Variants in RRP8 observed in about 807,000 individuals in gnomAD.
RRP8 encodes ribosomal RNA processing 8, also known as ribosomal RNA-processing protein 8.
Under a neutral mutation model 45.0 loss-of-function variants are expected in RRP8, and 48 were observed. That is an observed-to-expected ratio of 1.07 (90% CI 0.85 to 1.36). RRP8 has a LOEUF of 1.36. RRP8 is among the 40% of genes most tolerant of loss of function. The pLI is 0.00. For missense variants in RRP8, 658 were observed against 573.7 expected, an observed-to-expected ratio of 1.15 and a Z score of -1.50; for synonymous variants, 274 against 212.4, an observed-to-expected ratio of 1.29 and a Z score of -2.52.
In RRP8 at chr11:6,600,677, C is replaced by T. The variant is rs1243847710; in HGVS notation, c.1146G>A (p.Leu382=). ...RDFLEEANRV[L]KPGGLLKVAE... is the part of the protein sequence containing the mutation. ...GTCCTGGGGGCTCTTACCCTGGCTT[C>T]AGTACTCTATTTGCCTCCTCTAGGA... The change falls in exon 5 of 7, where the codon CTG becomes CTA. Residue 382 remains leucine, a synonymous_variant. Coordinates refer to ENST00000254605, the MANE Select transcript of RRP8 (RefSeq NM_015324.4). The T allele has an allele frequency of 1.2e-6, 2 of 1,613,902 alleles. No individual in the cohort carries two copies. Among genetic ancestry groups the T allele is most frequent in the African/African-American group, 1.3e-5 (1 of 74,918 alleles).
chr11:6,601,415 T>C lies in RRP8; in HGVS notation c.651A>G (p.Thr217=). Residue 217 remains threonine, a synonymous_variant, in exon 3 of 7, where the codon ACA becomes ACG. Transcript: ENST00000254605. ...GAACAGGAGACACCTCTGTCTTCTC[T>C]GTGGGGGCCTCAGCTGGGGCCTGGT... is the stretch of plus-strand genomic sequence containing the variant. ...VPDQAPAEAP[T]EKTEVSPVPR... 2 of 1,614,132 alleles carry C rather than the reference T, an allele frequency of 1.2e-6. No individual in the cohort carries two copies. Among genetic ancestry groups the C allele is most frequent in the Non-Finnish European group, 1.7e-6 (2 of 1,180,026 alleles).
chr11:6,600,682 C>G lies in RRP8; in HGVS notation c.1141G>C (p.Val381Leu). The change falls in exon 5 of 7, where the codon GTA (valine) becomes CTA (leucine). Residue 381 changes from valine (V) to leucine (L), a missense_variant. Physicochemically the swap from Val to Leu is conservative, Grantham distance 32 (BLOSUM62 1). Transcript: ENST00000254605. Reference sequence around the variant, plus strand: ...GGGGGCTCTTACCCTGGCTTCAGTACTCTATTTGCCTCCTCTAGGAAGTCC... The same window carrying G: ...GGGGGCTCTTACCCTGGCTTCAGTAGTCTATTTGCCTCCTCTAGGAAGTCC... The part of the protein sequence containing the change: ...IRDFLEEANR[V>L]LKPGGLLKVA... 6.2e-7 allele frequency: 1 copy of G among 1,614,036 alleles called. No homozygotes were observed. Among genetic ancestry groups the G allele is most frequent in the Non-Finnish European group, 8.5e-7 (1 of 1,179,922 alleles).
At position 6,602,914 on chromosome 11, in the gene RRP8, T is replaced by C. The variant is rs77634544; in HGVS notation, c.99+490A>G. Reference sequence around the variant, plus strand: ...TGATTCTAAGTTTCCCACACCCTCCTTTGAACAATGATACTGACAACTCTT... The same window carrying C: ...TGATTCTAAGTTTCCCACACCCTCCCTTGAACAATGATACTGACAACTCTT... On this transcript the variant is annotated intron_variant, in intron 1 of 6. Transcript: ENST00000254605. Among the ~76,000 whole-genome samples the C allele has an allele frequency of 2.6e-3, 401 of 152,338 alleles. 9 individuals are homozygous for C. In the East Asian group the frequency reaches 0.037, roughly 14 times the overall value.
chr11:6,600,286 G>A (rs11040933), intron 6 of RRP8, 21 bp from the exon 7 acceptor site: 494,318 of 1,517,802 alleles, frequency 0.33, 83,277 homozygotes, highest in Admixed American at 0.35. Flanking sequence ...AAAAGACCCA[G>A]TGAGAACCAA....
In RRP8 at chr11:6,597,855, A is replaced by G. The variant is rs1854258755; in HGVS notation, c.*2291T>C. 6.6e-6 allele frequency: 1 copy of G among 150,812 alleles called. No homozygotes were observed. Among genetic ancestry groups the G allele is most frequent in the African/African-American group, 2.4e-5 (1 of 40,946 alleles). 9.3% of individuals were successfully genotyped at this position (150,812 alleles called of 1,614,324 possible). On this transcript the variant is annotated 3_prime_UTR_variant, in exon 7 of 7. Transcript: ENST00000254605. ...CAGTGACCTGAGATCACGCCACCGC[A>G]TTCCAGCCTGGGCCACAGAGCAAGA...
rs577678176 is a variant in RRP8, at chr11:6,601,181, T to G, written c.885A>C (p.Pro295=). The change falls in exon 3 of 7, where the codon CCA becomes CCC. Residue 295 remains proline (P), a synonymous_variant. Coordinates refer to ENST00000254605, the MANE Select transcript of RRP8 (RefSeq NM_015324.4). ...GAAGATCCCTGGCGATGCGGTCCACTGGCTGCAGTGGCCACTTCTTCACTT... is the reference window on the plus strand; with the variant it reads ...GAAGATCCCTGGCGATGCGGTCCACGGGCTGCAGTGGCCACTTCTTCACTT... The part of the protein sequence containing the change: ...QSQVKKWPLQ[P]VDRIARDLRQ... The G allele has an allele frequency of 1.1e-4, 181 of 1,613,898 alleles. 2 individuals are homozygous for G. In the South Asian group the frequency reaches 1.8e-3, roughly 16 times the overall value.
At chr11:6,600,834 G>A in intron 4 of RRP8, 59 bp from the exon 5 acceptor site, 2 of 1,608,856 alleles carry the variant, frequency 1.2e-6, no homozygotes, top group Non-Finnish European at 1.7e-6. Context: ...AGCCAGCACT[G>A]AGATACCAGG....
At position 6,600,994 on chromosome 11, in the gene RRP8, G is replaced by C. The variant is rs766876049; in HGVS notation, c.979C>G (p.Arg327Gly). ...CGDCRLASSI[R>G]NPVHCFDLAS... ...AAGTCAAAGCAATGCACAGGGTTCC[G>C]GATACTTGAAGCCAAGCGGCAATCC... Residue 327 changes from arginine (R) to glycine (G), a missense_variant, in exon 4 of 7, where the codon CGG becomes GGG. Arg to Gly is a moderately radical substitution (Grantham distance 125, BLOSUM62 -2). Coordinates refer to ENST00000254605, the MANE Select transcript of RRP8 (RefSeq NM_015324.4). 1.9e-6 allele frequency: 3 copies of C among 1,614,160 alleles called. No homozygotes were observed. Among genetic ancestry groups the C allele is most frequent in the Admixed American group, 1.7e-5 (1 of 60,026 alleles).
At chr11:6,603,282 G>A in intron 1 of RRP8, 122 bp downstream of exon 1, 1 of 676,884 alleles carries the variant, frequency 1.5e-6, no homozygotes, top group Non-Finnish European at 2.5e-6. Flanking sequence ...CGGATCTTCA[G>A]ATCAGGACTC....
rs1400249880 is a variant in RRP8 at position 6,599,584 on chromosome 11, G to A, written c.*562C>T. 3 of 152,208 alleles carry A rather than the reference G, an allele frequency of 2.0e-5. No homozygotes were observed. Among genetic ancestry groups the A allele is most frequent in the Non-Finnish European group, 4.4e-5 (3 of 68,054 alleles). 9.4% of individuals were successfully genotyped at this position (152,208 alleles called of 1,614,324 possible). A position where few individuals can be genotyped will look rare whatever the true frequency, so the allele number is the denominator to read the frequency against. On this transcript the variant is annotated 3_prime_UTR_variant, in exon 7 of 7. Coordinates refer to ENST00000254605, the MANE Select transcript of RRP8 (RefSeq NM_015324.4). ...GAAAGATAAACCACTAGAAATGCTC[G>A]GTATGGGGACAACCAAACAGTCTCA...
intron 1 of RRP8, among the ~76,000 whole-genome samples, chr11:6,602,790 C>T (rs538785468): frequency 3.7e-4 from 57 of 152,236 alleles, no homozygotes; most frequent in Non-Finnish European, 1.3e-4. Context: ...GGAAGCAGGG[C>T]CCTCACATCT....
At position 6,602,147 on chromosome 11, in the gene RRP8, G is replaced by A. The variant is rs1231617390; in HGVS notation, c.168C>T (p.Pro56=). The change falls in exon 2 of 7, where the codon CCC becomes CCT. Residue 56 remains proline (P), a synonymous_variant. Coordinates refer to ENST00000254605, the MANE Select transcript of RRP8 (RefSeq NM_015324.4). ...ALEAASLSQH[P]PSLCISDSEE... is the part of the protein sequence containing the mutation. ...CAGAGTCACTTATACATAGGCTGGG[G>A]GGATGCTGGGAAAGAGATGCTGCCT... 5 of 1,605,494 alleles carry A rather than the reference G, an allele frequency of 3.1e-6. No individual in the cohort carries two copies. Among genetic ancestry groups the A allele is most frequent in the East Asian group, 2.2e-5 (1 of 44,732 alleles).
intron 1 of RRP8, among the ~76,000 whole-genome samples, chr11:6,602,753 G>A (rs773986327): frequency 1.3e-4 from 20 of 152,194 alleles, no homozygotes; most frequent in African/African-American, 3.4e-4. Flanking sequence ...CATGTTGGAG[G>A]CAGACTGAAG....
In RRP8 at chr11:6,599,573, T is replaced by C. The variant is rs1418292610; in HGVS notation, c.*573A>G. The C allele has an allele frequency of 6.6e-6, 1 of 152,238 alleles. No homozygotes were observed. Among genetic ancestry groups the C allele is most frequent in the Non-Finnish European group, 1.5e-5 (1 of 68,090 alleles). 9.4% of individuals were successfully genotyped at this position (152,238 alleles called of 1,614,324 possible). On this transcript the variant is annotated 3_prime_UTR_variant, in exon 7 of 7. Transcript: ENST00000254605. The stretch of plus-strand genomic sequence containing the variant: ...AGGGGAGAGGGGAAAGATAAACCAC[T>C]AGAAATGCTCGGTATGGGGACAACC...
Position 6,600,100 on chromosome 11 carries a change from G to T in RRP8, c.*46C>A. On this transcript the variant is annotated 3_prime_UTR_variant, in exon 7 of 7. Transcript: ENST00000254605. ...CTGGAAACAGTCTTCACAGTTCTGAGCCTGGAGTTTGAGATCTGCCTCCCC... is the reference window on the plus strand; with the variant it reads ...CTGGAAACAGTCTTCACAGTTCTGATCCTGGAGTTTGAGATCTGCCTCCCC... 1 of 1,276,300 alleles carries T rather than the reference G, an allele frequency of 7.8e-7. No individual in the cohort carries two copies. The highest frequency in any genetic ancestry group is 1.5e-5 in the African/African-American group (1 of 66,756). 79.1% of individuals were successfully genotyped at this position (1,276,300 alleles called of 1,614,324 possible). A position where few individuals can be genotyped will look rare whatever the true frequency, so the allele number is the denominator to read the frequency against.
At position 6,595,459 on chromosome 11, in the gene RRP8, GA is replaced by G. The variant is rs758489635; in HGVS notation, c.*4686del. On this transcript the variant is annotated 3_prime_UTR_variant, in exon 7 of 7. Coordinates refer to ENST00000254605, the MANE Select transcript of RRP8 (RefSeq NM_015324.4). ...ACTTCATTTCGTGACCATGAGACAA[GA>G]AAACTACAGAGACCTCATCCCTAAC... 6.6e-6 allele frequency: 1 copy of G among 152,010 alleles called. No individual in the cohort carries two copies. The highest frequency in any genetic ancestry group is 2.1e-4 in the South Asian group (1 of 4,828). 9.4% of individuals were successfully genotyped at this position (152,010 alleles called of 1,614,324 possible).
In RRP8 at chr11:6,595,231, C is replaced by T. The variant is rs1025231945; in HGVS notation, c.*4915G>A. ...GGGATCACAGATAAGAGCCACTGCA[C>T]TTGGCCCAAAAACATATTTAAAATG... is the stretch of plus-strand genomic sequence containing the variant. On this transcript the variant is annotated 3_prime_UTR_variant, in exon 7 of 7. Coordinates refer to ENST00000254605, the MANE Select transcript of RRP8 (RefSeq NM_015324.4). 6.6e-5 allele frequency: 10 copies of T among 152,022 alleles called. No individual in the cohort carries two copies. Among genetic ancestry groups the T allele is most frequent in the Non-Finnish European group, 1.2e-4 (8 of 68,012 alleles). 9.4% of individuals were successfully genotyped at this position (152,022 alleles called of 1,614,324 possible). A position where few individuals can be genotyped will look rare whatever the true frequency, so the allele number is the denominator to read the frequency against.
intron 1 of RRP8, among the ~76,000 whole-genome samples, chr11:6,603,156 T>G (rs532105276): frequency 9.2e-5 from 14 of 152,342 alleles, no homozygotes; most frequent in African/African-American, 3.4e-4. Flanking sequence ...CAGAACATGC[T>G]CTCTTGTCCC....
Position 6,603,425 on chromosome 11 carries a change from A to G in RRP8, c.78T>C (p.Pro26=). 1 of 1,601,528 alleles carries G rather than the reference A, an allele frequency of 6.2e-7. No homozygotes were observed. Among genetic ancestry groups the G allele is most frequent in the East Asian group, 2.3e-5 (1 of 44,264 alleles). ...TCACCTTGTTTTGCGAGGAGGCCGC[A>G]GGCGGAGGTCGTGAGATTACGGGCC... ...GLGPVISRPP[P]AASSQNKGSK... Residue 26 remains proline, a synonymous_variant, in exon 1 of 7, where the codon CCT becomes CCC. Transcript: ENST00000254605.
Sources: gnomAD v4.1 joint callset for allele counts (sites outside exome capture counted in the v4.1 genomes callset) on GRCh38, gnomAD v4.1.1 for gene constraint, MANE v1.5 for transcripts, NCBI Gene and HGNC (gene_info 2026-07-23, HGNC 2026-07-21) for gene names.